Variants in RALGAPB observed in about 807,000 individuals in gnomAD.
RALGAPB encodes the protein ral GTPase-activating protein subunit beta.
In RALGAPB, 25 loss-of-function variants were observed where a neutral mutation model predicts 161.1. The observed-to-expected ratio is 0.16, with a 90% CI of 0.11 to 0.22. The LOEUF is 0.22. Among genes scored for constraint, RALGAPB ranks in the 10% least tolerant of loss-of-function variants. RALGAPB has a pLI of 1.00. For missense variants in RALGAPB, 1,391 were observed against 1,815.2 expected (o/e 0.77, Z 4.25); for synonymous variants, 629 against 626.1 (o/e 1.00, Z -0.07).
At chr20:38,524,126 T>C (rs1375981276) in intron 10 of RALGAPB, among the ~76,000 whole-genome samples, 1 of 152,182 alleles carries the variant, frequency 6.6e-6, no homozygotes, top group Non-Finnish European at 1.5e-5. Flanking sequence ...GGAGATTGAA[T>C]GCTTAGTAAG....
At chr20:38,562,282 A>G (rs543701924) in intron 23 of RALGAPB, among the ~76,000 whole-genome samples, 2 of 152,244 alleles carry the variant, frequency 1.3e-5, no homozygotes, top group South Asian at 4.1e-4. Context: ...CACAACCATT[A>G]TTATTATCTC....
chr20:38,561,152 G>C (rs901057601), intron 23 of RALGAPB, among the ~76,000 whole-genome samples: 1 of 152,080 alleles, frequency 6.6e-6, no homozygotes. Flanking sequence ...GGTAAAACCC[G>C]TTTTTACTAA....
intron 5 of RALGAPB, among the ~76,000 whole-genome samples, chr20:38,507,876 G>A (rs765567468): frequency 2.8e-4 from 42 of 151,870 alleles, no homozygotes; most frequent in Non-Finnish European, 4.4e-4. Flanking sequence ...TTGGTGATAT[G>A]AATGCTTTAT....
chr20:38,569,948 C>A lies in RALGAPB; in HGVS notation c.4015C>A (p.Pro1339Thr), dbSNP rs1307871268. The A allele has an allele frequency of 3.1e-6, 5 of 1,613,470 alleles. No individual in the cohort carries two copies. The highest frequency in any genetic ancestry group is 4.2e-6 in the Non-Finnish European group (5 of 1,179,722). Residue 1339 changes from proline (P) to threonine (T), a missense_variant, in exon 27 of 30, where the codon CCT becomes ACT. Transcript: ENST00000262879. ...GGGTCGCCCTGTTCCTCCCCTTGGA[C>A]CTGAGACAAGAGTTTCTGTAGTCTG... ...PQGRPVPPLG[P>T]ETRVSVVWVE...
chr20:38,542,493 A>T (rs1457894593), intron 18 of RALGAPB, among the ~76,000 whole-genome samples: 2 of 142,172 alleles, frequency 1.4e-5, no homozygotes, highest in Admixed American at 1.4e-4. Flanking sequence ...TAGAAAATTA[A>T]AAAAAAATGT....
intron 6 of RALGAPB, among the ~76,000 whole-genome samples, chr20:38,510,566 G>A (rs1240395374): frequency 6.6e-6 from 1 of 152,164 alleles, no homozygotes; most frequent in Non-Finnish European, 1.5e-5. Context: ...GGTTTGGATT[G>A]TGTATTATTT....
intron 21 of RALGAPB, among the ~76,000 whole-genome samples, chr20:38,552,639 A>G (rs2087417926): frequency 6.6e-6 from 1 of 152,142 alleles, no homozygotes; most frequent in African/African-American, 2.4e-5. Flanking sequence ...AGACAGAAGG[A>G]GAGAGTAGGT....
At chr20:38,541,442 A>G (rs545665836) in intron 18 of RALGAPB, among the ~76,000 whole-genome samples, 2 of 152,208 alleles carry the variant, frequency 1.3e-5, no homozygotes, top group Admixed American at 6.5e-5. Flanking sequence ...TGTTAATTCA[A>G]GTAATACTGT....
At position 38,558,431 on chromosome 20, in the gene RALGAPB, C is replaced by T; in HGVS notation, c.3509C>T (p.Pro1170Leu). Reference protein sequence around the residue: ...FDTVFIFYMKPGQKTNQEILK... With the variant: ...FDTVFIFYMKLGQKTNQEILK... Reference sequence around the variant, plus strand: ...ACAGTTTTTATTTTCTATATGAAGCCAGGTCAGAAAACGAACCAAGAGGTA... The same window carrying T: ...ACAGTTTTTATTTTCTATATGAAGCTAGGTCAGAAAACGAACCAAGAGGTA... The change falls in exon 23 of 30, where the codon CCA becomes CTA. Residue 1170 changes from proline to leucine, a missense_variant. Pro to Leu is a moderately conservative substitution (Grantham distance 98). Coordinates refer to ENST00000262879, the MANE Select transcript of RALGAPB (RefSeq NM_020336.4). 6.3e-7 allele frequency: 1 copy of T among 1,593,258 alleles called. No individual in the cohort carries two copies. The highest frequency in any genetic ancestry group is 1.2e-5 in the South Asian group (1 of 86,384).
intron 13 of RALGAPB, among the ~76,000 whole-genome samples, chr20:38,527,623 A>G (rs184594409): frequency 1.3e-5 from 2 of 152,336 alleles, no homozygotes; most frequent in Admixed American, 6.5e-5. Flanking sequence ...AGAGTCTACC[A>G]GTGGCATTGA....
intron 20 of RALGAPB, among the ~76,000 whole-genome samples, chr20:38,549,253 G>A (rs1056359864): frequency 2.6e-5 from 4 of 151,604 alleles, no homozygotes; most frequent in Non-Finnish European, 5.9e-5. Context: ...AAAGAGTCAG[G>A]GTCTTGTTCT....
intron 10 of RALGAPB, 83 bp from the exon 11 acceptor site, chr20:38,524,695 C>T (rs1336593492): frequency 9.4e-7 from 1 of 1,063,114 alleles, no homozygotes. Context: ...TGGAAATAGA[C>T]TTTCAGTTAA....
intron 20 of RALGAPB, 61 bp downstream of exon 20, chr20:38,548,856 A>C (rs1352917679): frequency 7.4e-7 from 1 of 1,347,948 alleles, no homozygotes; most frequent in Non-Finnish European, 1.1e-6. Context: ...GTTAGGTAAC[A>C]TTCCAACAGA....
intron 5 of RALGAPB, among the ~76,000 whole-genome samples, chr20:38,502,683 G>C (rs1213185208): frequency 1.3e-5 from 2 of 152,142 alleles, no homozygotes; most frequent in African/African-American, 4.8e-5. Flanking sequence ...CCTCATTGCA[G>C]CCTCTGCCTC....
At position 38,517,961 on chromosome 20, in the gene RALGAPB, A is replaced by G; in HGVS notation, c.1378A>G (p.Lys460Glu). The G allele has an allele frequency of 6.2e-7, 1 of 1,613,372 alleles. No individual in the cohort carries two copies. The highest frequency in any genetic ancestry group is 1.3e-5 in the African/African-American group (1 of 75,024). ...WLFDAAFVHC[K>E]LHNGINRDSS... The stretch of plus-strand genomic sequence containing the variant: ...ATTTGATGCAGCATTTGTTCACTGT[A>G]AACTTCATAATGGGATAAACAGAGA... The change falls in exon 9 of 30, where the codon AAA (lysine) becomes GAA (glutamate). Residue 460 changes from lysine to glutamate, a missense_variant. Lys to Glu is a moderately conservative substitution (Grantham distance 56). This residue lies in a region of RALGAPB where 946 missense variants were observed against 1,257.2 expected (regional missense o/e 0.75). Transcript: ENST00000262879.
rs765767576 is a variant in RALGAPB at position 38,499,526 on chromosome 20, C to T, written c.633C>T (p.Phe211=). The part of the protein sequence containing the change: ...EVWLLACTRC[F]PTPPYWKTAK... Reference sequence around the variant, plus strand: ...GGTTACTAGCTTGTACTCGGTGCTTCCCAACACCTCCTTATTGGAAAACAG... The same window carrying T: ...GGTTACTAGCTTGTACTCGGTGCTTTCCAACACCTCCTTATTGGAAAACAG... Residue 211 remains phenylalanine (F), a synonymous_variant, in exon 5 of 30, where the codon TTC becomes TTT. Coordinates refer to ENST00000262879, the MANE Select transcript of RALGAPB (RefSeq NM_020336.4). 6.2e-7 allele frequency: 1 copy of T among 1,613,810 alleles called. No individual in the cohort carries two copies. Among genetic ancestry groups the T allele is most frequent in the African/African-American group, 1.3e-5 (1 of 74,854 alleles).
chr20:38,556,858 T>C (rs1211571571), intron 22 of RALGAPB, among the ~76,000 whole-genome samples: 1 of 152,244 alleles, frequency 6.6e-6, no homozygotes, highest in Non-Finnish European at 1.5e-5. Context: ...TTTATATATT[T>C]GTAGTAAATT....
At chr20:38,531,015 CTTGT>C (rs2086636455) in intron 13 of RALGAPB, 148 bp from the exon 14 acceptor site, 4 of 635,496 alleles carry the variant, frequency 6.3e-6, no homozygotes, top group East Asian at 3.1e-5. Flanking sequence ...AGTTCAAGCT[CTTGT>C]TTAAGAGCCA....
intron 21 of RALGAPB, 149 bp downstream of exon 21, chr20:38,551,372 C>T (rs1004895296): frequency 8.7e-6 from 8 of 919,924 alleles, no homozygotes; most frequent in African/African-American, 5.0e-5. Context: ...ATGTTTAAGA[C>T]GAATATAGAT....
Sources: gnomAD v4.1 joint callset for allele counts (sites outside exome capture counted in the v4.1 genomes callset) on GRCh38, gnomAD v4.1.1 for gene constraint, gnomAD v4.1.1 regional missense constraint, MANE v1.5 for transcripts, NCBI Gene and HGNC (gene_info 2026-07-23, HGNC 2026-07-21) for gene names.